GLIS3: variants seen among roughly 807,000 people sequenced by gnomAD.
GLIS3 encodes zinc finger protein GLIS3.
GLIS3 carries 53 observed loss-of-function variants against 78.6 expected under a neutral mutation model. The ratio of observed to expected loss-of-function variants is 0.67; its 90% CI spans 0.54 to 0.85. The LOEUF is 0.85. Among genes scored for constraint, GLIS3 ranks in the 40% least tolerant of loss-of-function variants. The pLI is 0.00. For synonymous variants in GLIS3, 684 were observed against 509.9 expected (o/e 1.34, Z -4.60); for missense variants, 1,703 against 1,231.1 (o/e 1.38, Z -5.74).
At chr9:4,068,578 C>T (rs1468774036) in intron 4 of GLIS3, among the ~76,000 whole-genome samples, 1 of 151,976 alleles carries the variant, frequency 6.6e-6, no homozygotes, top group Non-Finnish European at 1.5e-5. Flanking sequence ...CCTGTATAAT[C>T]AGAAACCAAA....
chr9:3,906,595 T>C (rs1823718128), intron 6 of GLIS3, among the ~76,000 whole-genome samples: 1 of 152,020 alleles, frequency 6.6e-6, no homozygotes, highest in Non-Finnish European at 1.5e-5. Flanking sequence ...AACCTGCAGG[T>C]ACCTGCACAC....
At chr9:3,914,322 G>A (rs1730422104) in intron 6 of GLIS3, among the ~76,000 whole-genome samples, 1 of 104,334 alleles carries the variant, frequency 9.6e-6, no homozygotes, top group South Asian at 3.7e-4. Context: ...AGTTTTTTCA[G>A]ATTTTTGGAT....
At chr9:4,011,253 G>A (rs1821980439) in intron 4 of GLIS3, among the ~76,000 whole-genome samples, 1 of 152,220 alleles carries the variant, frequency 6.6e-6, no homozygotes, top group South Asian at 2.1e-4. Flanking sequence ...CTGAGGTGTG[G>A]CACTGGAGAA....
intron 2 of GLIS3, among the ~76,000 whole-genome samples, chr9:4,206,070 G>T (rs1819853145): frequency 6.6e-6 from 1 of 152,086 alleles, no homozygotes; most frequent in African/African-American, 2.4e-5. Context: ...AGGTATGGAA[G>T]GGAAAATATA....
At chr9:4,486,800 T>C in the GLIS3 span, among the ~76,000 whole-genome samples, 1 of 152,148 alleles carries the variant, frequency 6.6e-6, no homozygotes, top group Non-Finnish European at 1.5e-5. Context: ...AGCCATCCTC[T>C]TGCCTCAGCC....
At chr9:4,213,381 T>C (rs2131305202) in intron 2 of GLIS3, among the ~76,000 whole-genome samples, 1 of 152,316 alleles carries the variant, frequency 6.6e-6, no homozygotes, top group Admixed American at 6.5e-5. Context: ...GCATATACTG[T>C]ATCCCTTTGC....
chr9:4,052,142 A>G (rs1258802914), intron 4 of GLIS3, among the ~76,000 whole-genome samples: 1 of 152,222 alleles, frequency 6.6e-6, no homozygotes, highest in Non-Finnish European at 1.5e-5. Flanking sequence ...TGGTAAGTCC[A>G]TGAAAGCCTT....
intron 6 of GLIS3, among the ~76,000 whole-genome samples, chr9:3,912,272 A>G (rs1388967565): frequency 2.0e-5 from 3 of 152,206 alleles, no homozygotes; most frequent in Non-Finnish European, 4.4e-5. Flanking sequence ...GCTCTTGCTT[A>G]TTAGCCTCAG....
chr9:4,339,142 A>T (rs1298197738), intron 2 of GLIS3, among the ~76,000 whole-genome samples: 1 of 152,202 alleles, frequency 6.6e-6, no homozygotes, highest in Non-Finnish European at 1.5e-5. Context: ...GTCATGATTT[A>T]GTGGCTTGGC....
chr9:4,100,880 C>A (rs1830320539), intron 4 of GLIS3, among the ~76,000 whole-genome samples: 1 of 152,174 alleles, frequency 6.6e-6, no homozygotes, highest in African/African-American at 2.4e-5. Flanking sequence ...GTGCATGGCA[C>A]CCCTCCTGGA....
At chr9:4,152,143 G>C (rs965232806) in intron 2 of GLIS3, 1 of 982,838 alleles carries the variant, frequency 1.0e-6, no homozygotes. Context: ...AGCAGCTGAT[G>C]AAAACTCTGC....
the GLIS3 span, among the ~76,000 whole-genome samples, chr9:4,479,744 C>G: frequency 5.9e-5 from 9 of 151,964 alleles, no homozygotes; most frequent in Admixed American, 5.9e-4. Context: ...GGGAGGCAGA[C>G]CCCTATCTGG....
chr9:3,908,486 C>A (rs1823873112), intron 6 of GLIS3, among the ~76,000 whole-genome samples: 1 of 152,148 alleles, frequency 6.6e-6, no homozygotes, highest in African/African-American at 2.4e-5. Flanking sequence ...ATTTCCCAAC[C>A]TATCCAGTTG....
intron 1 of GLIS3, among the ~76,000 whole-genome samples, chr9:4,290,641 T>C (rs919360855): frequency 6.6e-6 from 1 of 152,136 alleles, no homozygotes; most frequent in East Asian, 1.9e-4. Context: ...TCTTAGATCC[T>C]AGGAGTTCAT....
At chr9:4,369,543 T>C in the GLIS3 span, among the ~76,000 whole-genome samples, 1 of 152,180 alleles carries the variant, frequency 6.6e-6, no homozygotes, top group Non-Finnish European at 1.5e-5. Context: ...AGGAAGAACA[T>C]TAGCCTGAGA....
chr9:4,346,137 G>A (rs1158763994), intron 2 of GLIS3, among the ~76,000 whole-genome samples: 1 of 152,050 alleles, frequency 6.6e-6, no homozygotes, highest in African/African-American at 2.4e-5. Context: ...TACAAAAATC[G>A]ATTATGTACT....
At chr9:4,186,511 C>A (rs1413419390) in intron 2 of GLIS3, among the ~76,000 whole-genome samples, 1 of 151,758 alleles carries the variant, frequency 6.6e-6, no homozygotes, top group African/African-American at 2.4e-5. Flanking sequence ...TGGGTATATA[C>A]CCACTAATGG....
At chr9:4,300,583 G>A (rs1189880063), upstream of GLIS3, among the ~76,000 whole-genome samples, 2 of 152,120 alleles carry the variant, frequency 1.3e-5, no homozygotes, top group African/African-American at 4.8e-5. Flanking sequence ...GAAGGTGATG[G>A]AAGTGTTAGA....
chr9:4,457,645 A>G, the GLIS3 span, among the ~76,000 whole-genome samples: 1 of 151,972 alleles, frequency 6.6e-6, no homozygotes, highest in African/African-American at 2.4e-5. Context: ...CAGGAGATCG[A>G]GACCATCCTG....
Sources: allele counts gnomAD v4.1 joint callset (sites outside exome capture counted in the v4.1 genomes callset), GRCh38; gene constraint gnomAD v4.1.1; transcripts MANE v1.5; gene names NCBI Gene and HGNC (gene_info 2026-07-23, HGNC 2026-07-21).